Variants in PSTK observed in about 807,000 individuals in gnomAD.
PSTK encodes the protein L-seryl-tRNA(Sec) kinase.
PSTK carries 26 observed loss-of-function variants against 38.6 expected under a neutral mutation model. The observed-to-expected ratio is 0.67, with a 90% CI of 0.49 to 0.94. PSTK has a LOEUF of 0.94. Among genes scored for constraint, PSTK ranks in the 40% least tolerant of loss-of-function variants. PSTK has a pLI of 0.00. For missense variants in PSTK, 445 were observed against 436.3 expected, an observed-to-expected ratio of 1.02 and a Z score of -0.18; for synonymous variants, 181 against 161.7, an observed-to-expected ratio of 1.12 and a Z score of -0.91.
At position 122,986,567 on chromosome 10, in the gene PSTK, G is replaced by A. The variant is rs990557256; in HGVS notation, c.783+192G>A. ...TTGTTAAACTTTCAAAAGTGTTGGAGCCTGTTGATGGTTTGTTGGTAGGAA... is the reference window on the plus strand; with the variant it reads ...TTGTTAAACTTTCAAAAGTGTTGGAACCTGTTGATGGTTTGTTGGTAGGAA... On this transcript the variant is annotated intron_variant, in intron 4 of 5. Coordinates refer to ENST00000406217, the MANE Select transcript of PSTK (RefSeq NM_001363531.2). 6.5e-6 allele frequency: 4 copies of A among 610,966 alleles called. No homozygotes were observed. In the African/African-American group the frequency reaches 7.4e-5, roughly 11 times the overall value. 37.8% of individuals were successfully genotyped at this position (610,966 alleles called of 1,614,324 possible). A position where few individuals can be genotyped will look rare whatever the true frequency, so the allele number is the denominator to read the frequency against.
Position 122,986,933 on chromosome 10 carries a change from T to C in PSTK, c.848T>C (p.Ile283Thr), listed in dbSNP as rs752814815. Residue 283 changes from isoleucine (I) to threonine (T), a missense_variant, in exon 5 of 6, where the codon ATT (isoleucine) becomes ACT (threonine). Transcript: ENST00000406217. ...LHKTDQTLRR[I>T]VSQTMKEAKD... Reference sequence around the variant, plus strand: ...AAAACTGATCAGACACTCCGAAGGATTGTATCTCAGACAATGAAGGAAGCA... The same window carrying C: ...AAAACTGATCAGACACTCCGAAGGACTGTATCTCAGACAATGAAGGAAGCA... 7 of 1,612,266 alleles carry C rather than the reference T, an allele frequency of 4.3e-6. No homozygotes were observed. The highest frequency in any genetic ancestry group is 2.7e-5 in the African/African-American group (2 of 74,892).
rs770754587 is a variant in PSTK at position 122,980,470 on chromosome 10, C to G, written c.-10C>G. ...GACGCTCCCAGACTCCTCCGGTCTCCCCGGGCAGCATGAAGACCGCCGAGA... is the reference window on the plus strand; with the variant it reads ...GACGCTCCCAGACTCCTCCGGTCTCGCCGGGCAGCATGAAGACCGCCGAGA... On this transcript the variant is annotated 5_prime_UTR_variant, in exon 1 of 6. Coordinates refer to ENST00000406217, the MANE Select transcript of PSTK (RefSeq NM_001363531.2). This position sits in a 1 kb window ranked among gnomAD's most constrained non-coding sequence, Gnocchi z 4.3. The G allele has an allele frequency of 6.3e-7, 1 of 1,589,356 alleles. No individual in the cohort carries two copies. Among genetic ancestry groups the G allele is most frequent in the Admixed American group, 1.7e-5 (1 of 58,462 alleles).
intron 2 of PSTK, 32 bp from the exon 3 acceptor site, chr10:122,983,240 C>A (rs1347423324): frequency 3.9e-6 from 6 of 1,535,226 alleles, no homozygotes; most frequent in Non-Finnish European, 5.3e-6. Context: ...AAAGAGTATA[C>A]CAGTAATTCT....
chr10:122,987,101 A>C, intron 5 of PSTK, 139 bp downstream of exon 5: 1 of 870,008 alleles, frequency 1.1e-6, no homozygotes, highest in Non-Finnish European at 1.8e-6. Flanking sequence ...CAATTTGACT[A>C]AATGTAACTA....
In PSTK at chr10:122,986,963, G is replaced by C. The variant is rs1379191043; in HGVS notation, c.877+1G>C. ...TCTCAGACAATGAAGGAAGCAAAAG[G>C]TATGATGTGTCAGTTATGTGTTGAG... On this transcript the variant is annotated splice_donor_variant, in intron 5 of 5. Coordinates refer to ENST00000406217, the MANE Select transcript of PSTK (RefSeq NM_001363531.2). LOFTEE classifies it high-confidence loss of function. The C allele has an allele frequency of 6.3e-7, 1 of 1,587,666 alleles. No homozygotes were observed.
chr10:122,982,922 C>T lies in PSTK; in HGVS notation c.406C>T (p.Leu136Phe), dbSNP rs1848983425. The change falls in exon 2 of 6, where the codon CTC (leucine) becomes TTC (phenylalanine). Residue 136 changes from leucine to phenylalanine, a missense_variant. By Grantham distance (22) the Leu-to-Phe change is conservative (BLOSUM62 0). Transcript: ENST00000406217. ...SAAFEAQSCY[L>F]LTKTAVSRPL... ...AGCATTTGAGGCCCAGTCTTGCTAC[C>T]TCTTAACAAAAACTGCTGTTTCTAG... The T allele has an allele frequency of 6.2e-7, 1 of 1,614,160 alleles. No homozygotes were observed. Among genetic ancestry groups the T allele is most frequent in the Non-Finnish European group, 8.5e-7 (1 of 1,180,016 alleles).
At chr10:122,989,049 C>T (rs1849076576) in intron 5 of PSTK, among the ~76,000 whole-genome samples, 1 of 151,876 alleles carries the variant, frequency 6.6e-6, no homozygotes, top group Admixed American at 6.6e-5. Flanking sequence ...TGTGGAATAA[C>T]CTTGAAAACA....
chr10:122,983,373 C>T lies in PSTK; in HGVS notation c.610C>T (p.Leu204=). ...GGCACTGCCTCCTGAGACCATCCAC[C>T]TGATGGGAAGAAAGCTAGAAAAGCC... The part of the protein sequence containing the change: ...PQALPPETIH[L]MGRKLEKPNP... The change falls in exon 3 of 6, where the codon CTG becomes TTG. Residue 204 remains leucine, a synonymous_variant. Coordinates refer to ENST00000406217, the MANE Select transcript of PSTK (RefSeq NM_001363531.2). The T allele has an allele frequency of 6.2e-7, 1 of 1,614,144 alleles. No homozygotes were observed. Among genetic ancestry groups the T allele is most frequent in the Non-Finnish European group, 8.5e-7 (1 of 1,179,988 alleles).
At position 122,990,247 on chromosome 10, in the gene PSTK, A is replaced by C; in HGVS notation, c.951A>C (p.Glu317Asp). ...ACAAGCTCAAAGCAGAGTTTTTGGA[A>C]GACCTAAAACAAGGAAACAAAAAAT... ...ELNKLKAEFLEDLKQGNKKYL... is the reference protein window; with the variant it reads ...ELNKLKAEFLDDLKQGNKKYL... The change falls in exon 6 of 6, where the codon GAA (glutamate) becomes GAC (aspartate). Residue 317 changes from glutamate to aspartate, a missense_variant. Transcript: ENST00000406217. 6.5e-7 allele frequency: 1 copy of C among 1,542,840 alleles called. No homozygotes were observed. Among genetic ancestry groups the C allele is most frequent in the South Asian group, 1.2e-5 (1 of 81,588 alleles).
chr10:122,987,053 G>A (rs1020515602), intron 5 of PSTK, 91 bp downstream of exon 5: 4 of 959,226 alleles, frequency 4.2e-6, no homozygotes, highest in Non-Finnish European at 6.5e-6. Context: ...TTAGTTTTCA[G>A]TCATAAAAGT....
intron 3 of PSTK, chr10:122,983,991 A>G (rs533280200): frequency 6.5e-6 from 1 of 153,394 alleles, no homozygotes; most frequent in South Asian, 2.0e-4. Context: ...CTATATTTGC[A>G]CTAATATGGT....
chr10:122,981,671 G>C (rs1848960335), intron 1 of PSTK, among the ~76,000 whole-genome samples: 1 of 152,202 alleles, frequency 6.6e-6, no homozygotes, highest in South Asian at 2.1e-4. Flanking sequence ...CCAGCAAGGT[G>C]TATCTACTTT....
intron 1 of PSTK, 170 bp from the exon 2 acceptor site, chr10:122,982,563 G>C (rs1381499774): frequency 1.6e-6 from 1 of 612,926 alleles, no homozygotes; most frequent in Non-Finnish European, 2.9e-6. Context: ...TAGTTTTCCA[G>C]GCAGAAGGAA....
At chr10:122,986,777 T>G in intron 4 of PSTK, 92 bp from the exon 5 acceptor site, 1 of 802,998 alleles carries the variant, frequency 1.2e-6, no homozygotes, top group Non-Finnish European at 2.0e-6. Context: ...TAAACTTTTC[T>G]TTTAGTCCTT....
chr10:122,986,267 G>C, intron 3 of PSTK, 33 bp from the exon 4 acceptor site: 2 of 1,324,928 alleles, frequency 1.5e-6, no homozygotes, highest in Non-Finnish European at 2.1e-6. Context: ...TGGATATAAG[G>C]ATCTATTGTA....
intron 3 of PSTK, 117 bp downstream of exon 3, chr10:122,983,587 C>T (rs2133356454): frequency 3.4e-6 from 3 of 871,238 alleles, no homozygotes; most frequent in Non-Finnish European, 5.2e-6. Context: ...CATTATTCCC[C>T]ACTTTGTGTG....
intron 5 of PSTK, among the ~76,000 whole-genome samples, chr10:122,988,009 A>C (rs916655745): frequency 3.3e-5 from 5 of 152,250 alleles, no homozygotes; most frequent in African/African-American, 1.2e-4. Flanking sequence ...GTATAAAACT[A>C]TGATCTACCA....
chr10:122,980,509 C>G lies in PSTK; in HGVS notation c.30C>G (p.Thr10=), dbSNP rs1443952463. MKTAENIRG[T]GSDGPRKRGL... is the part of the protein sequence containing the mutation. ...AGACCGCCGAGAACATCAGAGGAAC[C>G]GGCAGCGACGGGCCGCGGAAACGAG... The change falls in exon 1 of 6, where the codon ACC becomes ACG. Residue 10 remains threonine (T), a synonymous_variant. Coordinates refer to ENST00000406217, the MANE Select transcript of PSTK (RefSeq NM_001363531.2). The surrounding 1 kb of genome is among the most constrained non-coding windows in gnomAD (Gnocchi z 4.3). 2 of 1,608,392 alleles carry G rather than the reference C, an allele frequency of 1.2e-6. No individual in the cohort carries two copies. The highest frequency in any genetic ancestry group is 1.7e-6 in the Non-Finnish European group (2 of 1,179,228).
chr10:122,980,624 G>T lies in PSTK; in HGVS notation c.145G>T (p.Ala49Ser). The change falls in exon 1 of 6, where the codon GCC becomes TCC. Residue 49 changes from alanine to serine, a missense_variant. Coordinates refer to ENST00000406217, the MANE Select transcript of PSTK (RefSeq NM_001363531.2). This position sits in a 1 kb window ranked among gnomAD's most constrained non-coding sequence, Gnocchi z 4.3. ...AHRLQQEQGW[A>S]IGVVAYDDVM... ...CCGGCTGCAGCAGGAGCAGGGTTGGGCCATCGGTGTTGTCGCGTATGATGA... is the reference window on the plus strand; with the variant it reads ...CCGGCTGCAGCAGGAGCAGGGTTGGTCCATCGGTGTTGTCGCGTATGATGA... 6.2e-7 allele frequency: 1 copy of T among 1,611,862 alleles called. No homozygotes were observed.
Sources: gnomAD v4.1 joint callset for allele counts (sites outside exome capture counted in the v4.1 genomes callset) on GRCh38, gnomAD v4.1.1 for gene constraint, Gnocchi (gnomAD v3.1) non-coding constraint, MANE v1.5 for transcripts, NCBI Gene and HGNC (gene_info 2026-07-23, HGNC 2026-07-21) for gene names.